MAGI2: variants seen among roughly 807,000 people sequenced by gnomAD.
The protein encoded by MAGI2 is membrane-associated guanylate kinase, WW and PDZ domain-containing protein 2.
Under a neutral mutation model 133.3 loss-of-function variants are expected in MAGI2, and 35 were observed. The observed-to-expected ratio is 0.26, with a 90% CI of 0.20 to 0.35. The LOEUF (loss-of-function observed/expected upper bound fraction) is 0.35. MAGI2 is among the 10% of genes least tolerant of loss of function. The pLI, the probability that MAGI2 is intolerant of heterozygous loss-of-function variation, is 1.00. For synonymous variants in MAGI2, 729 were observed against 710.6 expected (o/e 1.03, Z -0.41); for missense variants, 1,636 against 1,863.4 (o/e 0.88, Z 2.25).
At chr7:78,681,771 G>A (rs192866384) in intron 2 of MAGI2, among the ~76,000 whole-genome samples, 5 of 152,222 alleles carry the variant, frequency 3.3e-5, no homozygotes, top group Non-Finnish European at 7.4e-5. Flanking sequence ...GGCAGTCAGC[G>A]TCACAACCCT....
rs138688974 is a variant in MAGI2 at position 79,377,721 on chromosome 7, G to C, written c.301+75299C>G. Reference sequence around the variant, plus strand: ...CAGCAGCAGCAGAGAGGCATCACTGGAGGGAACAATTAGTGACAGTGACTT... The same window carrying C: ...CAGCAGCAGCAGAGAGGCATCACTGCAGGGAACAATTAGTGACAGTGACTT... On this transcript the variant is annotated intron_variant, in intron 1 of 21. Coordinates refer to ENST00000354212, the MANE Select transcript of MAGI2 (RefSeq NM_012301.4). Among the ~76,000 whole-genome samples, 16 of 151,950 alleles carry C rather than the reference G, an allele frequency of 1.1e-4. No homozygotes were observed. In the East Asian group the frequency reaches 2.5e-3, roughly 24 times the overall value.
intron 2 of MAGI2, among the ~76,000 whole-genome samples, chr7:78,955,996 T>C (rs1228263702): frequency 2.0e-5 from 3 of 151,968 alleles, no homozygotes; most frequent in African/African-American, 7.3e-5. Flanking sequence ...TACACTCTGC[T>C]AAGTTGTATG....
At chr7:78,056,268 T>G (rs1213734258) in intron 21 of MAGI2, among the ~76,000 whole-genome samples, 1 of 152,210 alleles carries the variant, frequency 6.6e-6, no homozygotes, top group Non-Finnish European at 1.5e-5. Flanking sequence ...TTTTTAAGGC[T>G]AAATAATATT....
chr7:79,350,684 G>A (rs1482489611), intron 1 of MAGI2, among the ~76,000 whole-genome samples: 1 of 151,986 alleles, frequency 6.6e-6, no homozygotes, highest in Non-Finnish European at 1.5e-5. Flanking sequence ...ATAAATTGAC[G>A]GTAGAATTAA....
chr7:79,453,117 C>T lies in MAGI2; in HGVS notation c.204G>A (p.Glu68=). 2 of 1,613,904 alleles carry T rather than the reference C, an allele frequency of 1.2e-6. No individual in the cohort carries two copies. Among genetic ancestry groups the T allele is most frequent in the East Asian group, 2.2e-5 (1 of 44,846 alleles). ...SKLVSEELLL[E]VNETPVAGLT... is the part of the protein sequence containing the mutation. The stretch of plus-strand genomic sequence containing the variant: ...GCCCCGCCACGGGGGTCTCGTTCAC[C>T]TCCAGCAGCAGCTCCTCCGACACCA... The change falls in exon 1 of 22, where the codon GAG becomes GAA. Residue 68 remains glutamate (E), a synonymous_variant. Coordinates refer to ENST00000354212, the MANE Select transcript of MAGI2 (RefSeq NM_012301.4).
At chr7:78,846,743 C>T (rs894773682) in intron 2 of MAGI2, among the ~76,000 whole-genome samples, 1 of 151,992 alleles carries the variant, frequency 6.6e-6, no homozygotes, top group Non-Finnish European at 1.5e-5. Context: ...GATGGTCTCT[C>T]AGCATTTTTC....
chr7:78,100,347 G>A (rs1818101466), intron 20 of MAGI2, among the ~76,000 whole-genome samples: 1 of 151,932 alleles, frequency 6.6e-6, no homozygotes, highest in Non-Finnish European at 1.5e-5. Flanking sequence ...CATCCTCCTT[G>A]GGCCACTTCT....
At chr7:78,601,378 A>G (rs1274334857) in intron 3 of MAGI2, among the ~76,000 whole-genome samples, 2 of 152,236 alleles carry the variant, frequency 1.3e-5, no homozygotes, top group African/African-American at 2.4e-5. Context: ...AGATTTGAAA[A>G]TGTGACTTAT....
At chr7:78,433,297 T>G (rs1430814726) in intron 6 of MAGI2, among the ~76,000 whole-genome samples, 3 of 152,090 alleles carry the variant, frequency 2.0e-5, no homozygotes, top group Non-Finnish European at 2.9e-5. Context: ...GAGTGGCTAT[T>G]AAGTGTGTTT....
intron 2 of MAGI2, among the ~76,000 whole-genome samples, chr7:78,961,156 G>C (rs543770792): frequency 6.6e-6 from 1 of 152,124 alleles, no homozygotes; most frequent in Non-Finnish European, 1.5e-5. Flanking sequence ...TATTGCAAAT[G>C]AAAGGTAGGA....
At chr7:79,101,675 G>A (rs562100714) in intron 1 of MAGI2, among the ~76,000 whole-genome samples, 1 of 137,026 alleles carries the variant, frequency 7.3e-6, no homozygotes, top group Admixed American at 8.3e-5. Context: ...AGTGAGCCGA[G>A]ATCGCGCCAC....
intron 10 of MAGI2, among the ~76,000 whole-genome samples, chr7:78,227,662 C>G (rs903453180): frequency 6.6e-6 from 1 of 152,138 alleles, no homozygotes; most frequent in Non-Finnish European, 1.5e-5. Flanking sequence ...TGTGCATGAA[C>G]TCCACCTTCC....
chr7:79,141,826 G>C (rs1822161418), intron 1 of MAGI2, among the ~76,000 whole-genome samples: 2 of 151,750 alleles, frequency 1.3e-5, no homozygotes, highest in Non-Finnish European at 2.9e-5. Flanking sequence ...CCTTAGCTGA[G>C]GCTCAAGCTT....
At chr7:79,452,868 G>T in intron 1 of MAGI2, 152 bp downstream of exon 1, 1 of 745,698 alleles carries the variant, frequency 1.3e-6, no homozygotes, top group Non-Finnish European at 2.1e-6. Context: ...TCGAATCCCC[G>T]GCGAAACTCA....
At chr7:78,976,379 A>G (rs892062512) in intron 2 of MAGI2, among the ~76,000 whole-genome samples, 2 of 151,508 alleles carry the variant, frequency 1.3e-5, no homozygotes, top group African/African-American at 4.8e-5. Flanking sequence ...TACAACATCT[A>G]TTCATGACAA....
chr7:78,902,244 C>G (rs769118181), intron 2 of MAGI2, among the ~76,000 whole-genome samples: 1 of 152,186 alleles, frequency 6.6e-6, no homozygotes, highest in South Asian at 2.1e-4. Flanking sequence ...ATTATACTCC[C>G]TAGGACTGGG....
intron 12 of MAGI2, among the ~76,000 whole-genome samples, chr7:78,192,760 T>G (rs535932265): frequency 6.6e-6 from 1 of 152,270 alleles, no homozygotes; most frequent in South Asian, 2.1e-4. Flanking sequence ...TCTTTTGGCT[T>G]TCTGAGATTT....
At position 78,208,864 on chromosome 7, in the gene MAGI2, A is replaced by G. The variant is rs146656342; in HGVS notation, c.2048-7671T>C. On this transcript the variant is annotated intron_variant, in intron 10 of 21. Coordinates refer to ENST00000354212, the MANE Select transcript of MAGI2 (RefSeq NM_012301.4). ...AATGGAATCTTTTATCTTTCCTCCCAAATCCACTCTTCACTCTTTAGTGTT... is the reference window on the plus strand; with the variant it reads ...AATGGAATCTTTTATCTTTCCTCCCGAATCCACTCTTCACTCTTTAGTGTT... Among the ~76,000 whole-genome samples, 341 of 152,144 alleles carry G rather than the reference A, an allele frequency of 2.2e-3. 1 individual carries two copies. The highest frequency in any genetic ancestry group is 7.7e-3 in the African/African-American group (319 of 41,520).
At chr7:78,190,519 T>A (rs1227956591) in intron 12 of MAGI2, among the ~76,000 whole-genome samples, 1 of 152,182 alleles carries the variant, frequency 6.6e-6, no homozygotes, top group Non-Finnish European at 1.5e-5. Flanking sequence ...GAACTATTGA[T>A]AATCACGCCA....
Sources: allele counts gnomAD v4.1 joint callset (sites outside exome capture counted in the v4.1 genomes callset), GRCh38; gene constraint gnomAD v4.1.1; transcripts MANE v1.5; gene names NCBI Gene and HGNC (gene_info 2026-07-23, HGNC 2026-07-21).